PNOC: variants seen among roughly 807,000 people sequenced by gnomAD.
The protein encoded by PNOC is prepronociceptin.
In PNOC, 10 loss-of-function variants were observed where a neutral mutation model predicts 15.6. The ratio of observed to expected loss-of-function variants is 0.64; its 90% CI spans 0.40 to 1.09. PNOC has a LOEUF of 1.09. PNOC is among the 50% of genes least tolerant of loss of function. PNOC has a pLI of 0.01. For missense variants in PNOC, 220 were observed against 223.9 expected, an observed-to-expected ratio of 0.98 and a Z score of 0.11; for synonymous variants, 98 against 88.5, an observed-to-expected ratio of 1.11 and a Z score of -0.60.
intron 2 of PNOC, among the ~76,000 whole-genome samples, chr8:28,337,646 G>A (rs937565796): frequency 3.6e-5 from 5 of 137,202 alleles, no homozygotes; most frequent in Non-Finnish European, 6.1e-5. Context: ...GCAGTGGCAC[G>A]ATCTCGGTTC....
chr8:28,339,734 A>G, intron 3 of PNOC: 1 of 304,616 alleles, frequency 3.3e-6, no homozygotes, highest in Non-Finnish European at 6.0e-6. Flanking sequence ...GTATGTTAAG[A>G]TAACTAATTC....
intron 1 of PNOC, among the ~76,000 whole-genome samples, chr8:28,320,092 C>CTTTT (rs34876964): frequency 0.01 from 300 of 29,740 alleles, 18 homozygotes; most frequent in Non-Finnish European, 0.012. Context: ...TTCTTTCTTT[C>CTTTT]TTTTTTTTTT....
chr8:28,328,853 G>A (rs1376679296), intron 1 of PNOC, among the ~76,000 whole-genome samples: 1 of 152,132 alleles, frequency 6.6e-6, no homozygotes, highest in Non-Finnish European at 1.5e-5. Context: ...GTCGAGGCCA[G>A]CCAGGTGGCA....
chr8:28,332,288 T>C (rs971873743), intron 2 of PNOC, among the ~76,000 whole-genome samples: 4 of 152,238 alleles, frequency 2.6e-5, no homozygotes, highest in Non-Finnish European at 5.9e-5. Context: ...CTGGCAGCCT[T>C]TGACTATGTC....
intron 1 of PNOC, among the ~76,000 whole-genome samples, chr8:28,322,588 T>C (rs980492973): frequency 5.9e-5 from 9 of 152,164 alleles, no homozygotes; most frequent in African/African-American, 9.7e-5. Flanking sequence ...AAAATGGGGA[T>C]GATAGCACTT....
chr8:28,327,182 T>C (rs749208724), intron 1 of PNOC, among the ~76,000 whole-genome samples: 1 of 152,252 alleles, frequency 6.6e-6, no homozygotes. Context: ...AAGTTCTTTG[T>C]TCCTTTTCCA....
chr8:28,337,581 C>CTTTTT (rs10685321), intron 2 of PNOC, among the ~76,000 whole-genome samples: 11 of 117,124 alleles, frequency 9.4e-5, no homozygotes, highest in Non-Finnish European at 1.0e-4. Flanking sequence ...ATTACGTTTC[C>CTTTTT]TTTTTTTTTT....
intron 1 of PNOC, among the ~76,000 whole-genome samples, chr8:28,325,759 G>C (rs1473290952): frequency 6.6e-6 from 1 of 152,008 alleles, no homozygotes; most frequent in Non-Finnish European, 1.5e-5. Flanking sequence ...TGCAAGGTTA[G>C]GTGCCAGGAG....
chr8:28,328,617 C>T (rs1801265697), intron 1 of PNOC, among the ~76,000 whole-genome samples: 1 of 152,124 alleles, frequency 6.6e-6, no homozygotes, highest in Admixed American at 6.5e-5. Context: ...ACTCATCTTA[C>T]TTTTGCACAG....
At chr8:28,334,786 G>A (rs1400935611) in intron 2 of PNOC, among the ~76,000 whole-genome samples, 1 of 152,146 alleles carries the variant, frequency 6.6e-6, no homozygotes, top group East Asian at 1.9e-4. Flanking sequence ...GAGCCACCAT[G>A]CCCAGCACAG....
intron 1 of PNOC, among the ~76,000 whole-genome samples, chr8:28,322,379 G>A (rs189352432): frequency 6.6e-5 from 10 of 152,138 alleles, no homozygotes; most frequent in Admixed American, 4.6e-4. Flanking sequence ...GCAACAGAGC[G>A]AGACTCCATC....
At chr8:28,332,518 C>T (rs1337676952) in intron 2 of PNOC, among the ~76,000 whole-genome samples, 1 of 152,220 alleles carries the variant, frequency 6.6e-6, no homozygotes, top group South Asian at 2.1e-4. Flanking sequence ...TCCATTGCAA[C>T]GTCCTGGCCT....
chr8:28,321,039 T>A (rs1306444348), intron 1 of PNOC, among the ~76,000 whole-genome samples: 1 of 151,948 alleles, frequency 6.6e-6, no homozygotes, highest in Non-Finnish European at 1.5e-5. Flanking sequence ...GGTCTTTTGT[T>A]GTTGTTGTTG....
intron 2 of PNOC, among the ~76,000 whole-genome samples, chr8:28,332,455 T>C (rs1181817060): frequency 6.6e-6 from 1 of 152,204 alleles, no homozygotes; most frequent in African/African-American, 2.4e-5. Context: ...TATTTGAGTA[T>C]GGCTGCTTGT....
intron 2 of PNOC, among the ~76,000 whole-genome samples, chr8:28,335,954 T>G (rs1339203433): frequency 6.6e-6 from 1 of 151,486 alleles, no homozygotes; most frequent in Non-Finnish European, 1.5e-5. Context: ...CCTGGAATCC[T>G]GGACTAATGG....
intron 2 of PNOC, among the ~76,000 whole-genome samples, chr8:28,335,883 G>A (rs185286916): frequency 6.6e-6 from 1 of 151,878 alleles, no homozygotes; most frequent in East Asian, 1.9e-4. Flanking sequence ...CCAGGTGTGG[G>A]ACCCTTTAGA....
At chr8:28,321,732 T>C (rs895667805) in intron 1 of PNOC, among the ~76,000 whole-genome samples, 2 of 152,180 alleles carry the variant, frequency 1.3e-5, no homozygotes, top group Non-Finnish European at 2.9e-5. Context: ...CCAGGACTCT[T>C]GTTTCTGAGC....
At chr8:28,337,421 T>A (rs1245853426) in intron 2 of PNOC, among the ~76,000 whole-genome samples, 1 of 152,104 alleles carries the variant, frequency 6.6e-6, no homozygotes, top group Non-Finnish European at 1.5e-5. Flanking sequence ...TGCTTCAGCC[T>A]CCCCAGTAGC....
chr8:28,334,101 A>G (rs1229472878), intron 2 of PNOC, among the ~76,000 whole-genome samples: 1 of 151,368 alleles, frequency 6.6e-6, no homozygotes, highest in African/African-American at 2.4e-5. Context: ...AGTTCTGACA[A>G]CCAACAATGT....
Sources: gnomAD v4.1 joint callset for allele counts (sites outside exome capture counted in the v4.1 genomes callset) on GRCh38, gnomAD v4.1.1 for gene constraint, MANE v1.5 for transcripts, NCBI Gene and HGNC (gene_info 2026-07-23, HGNC 2026-07-21) for gene names.